OXR1: variants seen among roughly 807,000 people sequenced by gnomAD.
The protein encoded by OXR1 is oxidation resistance protein 1.
OXR1 carries 41 observed loss-of-function variants against 104.6 expected under a neutral mutation model. That is an observed-to-expected ratio of 0.39 (90% confidence interval 0.31 to 0.51). The LOEUF is 0.51. Among genes scored for constraint, OXR1 ranks in the 20% least tolerant of loss-of-function variants. OXR1 has a pLI of 0.77. For synonymous variants in OXR1, 348 were observed against 348.4 expected, an observed-to-expected ratio of 1.00 and a Z score of 0.01; for missense variants, 955 against 1,031.9, an observed-to-expected ratio of 0.93 and a Z score of 1.02.
chr8:106,745,236 G>T (rs367875851), intron 15 of OXR1, among the ~76,000 whole-genome samples: 3 of 152,302 alleles, frequency 2.0e-5, no homozygotes, highest in African/African-American at 7.2e-5. Context: ...GAATATTCAT[G>T]TCTAGTTTGC....
intron 2 of OXR1, among the ~76,000 whole-genome samples, chr8:106,410,186 C>G (rs974443540): frequency 2.0e-5 from 3 of 152,160 alleles, no homozygotes; most frequent in African/African-American, 7.2e-5. Context: ...AATGTAGGTA[C>G]ACCAAATTTT....
At chr8:106,670,703 G>A (rs1356918387) in intron 3 of OXR1, among the ~76,000 whole-genome samples, 1 of 152,100 alleles carries the variant, frequency 6.6e-6, no homozygotes, top group Non-Finnish European at 1.5e-5. Flanking sequence ...AAAAGGGAAT[G>A]TTCAGAGTAA....
Position 106,642,541 on chromosome 8 carries a change from C to A in OXR1, c.221-36669C>A, listed in dbSNP as rs1823736544. 1.3e-5 allele frequency among the ~76,000 whole-genome samples: 2 copies of A among 152,138 alleles called. 1 individual carries two copies. Among genetic ancestry groups the A allele is most frequent in the South Asian group, 4.2e-4 (2 of 4,816 alleles). On this transcript the variant is annotated intron_variant, in intron 3 of 16. Transcript: ENST00000517566. ...TGAAAAGAAAAGAGCATGGAGATCA[C>A]CAATAGGGACTCTCTGGCCAGGCCT... is the stretch of plus-strand genomic sequence containing the variant.
At position 106,528,040 on chromosome 8, in the gene OXR1, C is replaced by T. The variant is rs74965051; in HGVS notation, c.220+8901C>T. Among the ~76,000 whole-genome samples the T allele has an allele frequency of 9.6e-4, 146 of 152,218 alleles. 2 individuals carry two copies. In the East Asian group the frequency reaches 0.026, roughly 27 times the overall value. On this transcript the variant is annotated intron_variant, in intron 3 of 16. Transcript: ENST00000517566. ...AAAAGAACAGTAGTTTTTCATAAGA[C>T]GATACTTAGTTGAAGTGACTGTCCT...
intron 2 of OXR1, chr8:106,448,041 A>G: frequency 6.5e-7 from 1 of 1,535,886 alleles, no homozygotes; most frequent in South Asian, 1.2e-5. Flanking sequence ...GGACAAAAAC[A>G]GCCCAGGGTA....
intron 2 of OXR1, among the ~76,000 whole-genome samples, chr8:106,379,075 T>C (rs868205838): frequency 6.6e-6 from 1 of 152,172 alleles, no homozygotes; most frequent in Non-Finnish European, 1.5e-5. Context: ...TTGATTAGTA[T>C]AGCATAAGGA....
chr8:106,399,766 CA>C (rs1817926545), intron 2 of OXR1, among the ~76,000 whole-genome samples: 1 of 152,094 alleles, frequency 6.6e-6, no homozygotes, highest in Non-Finnish European at 1.5e-5. Context: ...ACAAAGAAGT[CA>C]AGTAAATTAC....
chr8:106,397,107 A>G lies in OXR1; in HGVS notation c.23+37471A>G, dbSNP rs1039904774. 1.2e-3 allele frequency among the ~76,000 whole-genome samples: 189 copies of G among 152,268 alleles called. 1 individual carries two copies. Among genetic ancestry groups the G allele is most frequent in the African/African-American group, 4.4e-3 (182 of 41,564 alleles). Reference sequence around the variant, plus strand: ...GGAAAGTTTGTCCAAAAACTTGGTGATACTGATTGCCTTGAGGTTTTCTGG... The same window carrying G: ...GGAAAGTTTGTCCAAAAACTTGGTGGTACTGATTGCCTTGAGGTTTTCTGG... On this transcript the variant is annotated intron_variant, in intron 2 of 16. Transcript: ENST00000517566.
At chr8:106,746,386 G>GT (rs1284992376) in intron 16 of OXR1, among the ~76,000 whole-genome samples, 1 of 52,820 alleles carries the variant, frequency 1.9e-5, no homozygotes, top group East Asian at 6.7e-4. Context: ...GAGGAGCTTT[G>GT]TTTTTTATTT....
At position 106,310,230 on chromosome 8, in the gene OXR1, CTT is replaced by C. The variant is rs10573304; in HGVS notation, c.-139+39876_-139+39877del. 1.4e-3 allele frequency among the ~76,000 whole-genome samples: 198 copies of C among 142,386 alleles called. 1 individual carries two copies. Among genetic ancestry groups the C allele is most frequent in the African/African-American group, 4.6e-3 (180 of 39,534 alleles). The allele number at this position is 142,386 out of a possible 152,430, so 93.4% of individuals were successfully genotyped here. On this transcript the variant is annotated intron_variant, in intron 1 of 16. Coordinates refer to ENST00000517566, the MANE Select transcript of OXR1 (RefSeq NM_001198533.2). ...TAATAATTGGTACAGTTCCTGTGAC[CTT>C]TTTTTTTTTTTTGTGAACTCTTTCC...
chr8:106,683,229 G>A lies in OXR1; in HGVS notation c.334G>A (p.Ala112Thr). The change falls in exon 5 of 17, where the codon GCC becomes ACC. Residue 112 changes from alanine to threonine, a missense_variant. Ala to Thr is a moderately conservative substitution (Grantham distance 58). This residue lies in a region of OXR1 where 849 missense variants were observed against 852.9 expected (regional missense o/e 1.00). Coordinates refer to ENST00000517566, the MANE Select transcript of OXR1 (RefSeq NM_001198533.2). ...ATCAAGGGATTCTTTGAATAGCATA[G>A]CCCTGAAGTTTGATACAACACCTAA... Reference protein sequence around the residue: ...VESRDSLNSIALKFDTTPNEL... With the variant: ...VESRDSLNSITLKFDTTPNEL... The A allele has an allele frequency of 6.3e-7, 1 of 1,597,048 alleles. No individual in the cohort carries two copies. The highest frequency in any genetic ancestry group is 8.6e-7 in the Non-Finnish European group (1 of 1,165,428).
chr8:106,684,867 A>G (rs1828538616), intron 6 of OXR1, among the ~76,000 whole-genome samples: 1 of 152,206 alleles, frequency 6.6e-6, no homozygotes, highest in African/African-American at 2.4e-5. Flanking sequence ...ACATTTTACA[A>G]ATGAACTTCA....
At chr8:106,688,574 T>A (rs905576635) in intron 6 of OXR1, among the ~76,000 whole-genome samples, 4 of 152,152 alleles carry the variant, frequency 2.6e-5, no homozygotes, top group Non-Finnish European at 5.9e-5. Flanking sequence ...TAGCTATTGT[T>A]TTTTTACTTA....
At chr8:106,352,276 C>T (rs776756476) in intron 1 of OXR1, among the ~76,000 whole-genome samples, 2 of 152,080 alleles carry the variant, frequency 1.3e-5, no homozygotes, top group Non-Finnish European at 2.9e-5. Flanking sequence ...CTGGCTTGGA[C>T]GATGAGTATA....
intron 6 of OXR1, among the ~76,000 whole-genome samples, chr8:106,687,819 A>G (rs1326515373): frequency 6.6e-6 from 1 of 152,086 alleles, no homozygotes; most frequent in Non-Finnish European, 1.5e-5. Flanking sequence ...AAGAGAAGTT[A>G]ATTATTTTGT....
chr8:106,496,643 G>A (rs1036439418), intron 2 of OXR1, among the ~76,000 whole-genome samples: 2 of 152,176 alleles, frequency 1.3e-5, no homozygotes, highest in African/African-American at 4.8e-5. Context: ...ATTGGCCAGA[G>A]CTAGTCCCAT....
At chr8:106,736,538 C>A (rs1035183159) in intron 11 of OXR1, among the ~76,000 whole-genome samples, 1 of 152,144 alleles carries the variant, frequency 6.6e-6, no homozygotes, top group Non-Finnish European at 1.5e-5. Context: ...AGTCATAGCT[C>A]AAGAGAATCG....
Position 106,677,440 on chromosome 8 carries a change from C to G in OXR1, c.221-1770C>G, listed in dbSNP as rs1827714980. 2.0e-5 allele frequency among the ~76,000 whole-genome samples: 3 copies of G among 152,076 alleles called. No homozygotes were observed. In the South Asian group the frequency reaches 6.2e-4, roughly 32 times the overall value. On this transcript the variant is annotated intron_variant, in intron 3 of 16. Transcript: ENST00000517566. ...AATAATATTCTTTATAAAAATTCTA[C>G]CATATTGCATTGCCACCAGGAATGC...
At chr8:106,481,256 C>A (rs192905530) in intron 2 of OXR1, among the ~76,000 whole-genome samples, 2 of 151,918 alleles carry the variant, frequency 1.3e-5, no homozygotes, top group African/African-American at 2.4e-5. Context: ...GAAGGCCTTA[C>A]CATGAAGCTG....
Sources: allele counts gnomAD v4.1 joint callset (sites outside exome capture counted in the v4.1 genomes callset), GRCh38; gene constraint gnomAD v4.1.1; regional missense constraint gnomAD v4.1.1; transcripts MANE v1.5; gene names NCBI Gene and HGNC (gene_info 2026-07-23, HGNC 2026-07-21).